The following TRDN variants were observed in gnomAD, a reference collection of about 807,000 sequenced individuals.
TRDN encodes the protein triadin in skeletal muscle.
A neutral mutation model predicts 149.7 loss-of-function variants in TRDN; 161 were observed. That is an observed-to-expected ratio of 1.08 (90% CI 0.95 to 1.23). The LOEUF (loss-of-function observed/expected upper bound fraction) is 1.23, where lower values mean the gene tolerates loss of function less well. TRDN is among the 50% of genes most tolerant of loss of function. TRDN has a pLI of 0.00. For missense variants in TRDN, 896 were observed against 823.5 expected, an observed-to-expected ratio of 1.09 and a Z score of -1.08; for synonymous variants, 294 against 250.5, an observed-to-expected ratio of 1.17 and a Z score of -1.64.
chr6:123,280,093 G>C (rs540076133), intron 24 of TRDN, among the ~76,000 whole-genome samples: 2 of 152,276 alleles, frequency 1.3e-5, no homozygotes, highest in African/African-American at 4.8e-5. Flanking sequence ...CCTTAGTGCA[G>C]CAATGAGTTG....
intron 38 of TRDN, among the ~76,000 whole-genome samples, chr6:123,238,989 C>T (rs1775889311): frequency 6.6e-6 from 1 of 152,020 alleles, no homozygotes; most frequent in South Asian, 2.1e-4. Flanking sequence ...TACAGGCACA[C>T]ACCACCACGC....
chr6:123,274,249 A>G (rs1218980810), intron 27 of TRDN, among the ~76,000 whole-genome samples: 2 of 152,096 alleles, frequency 1.3e-5, no homozygotes, highest in Non-Finnish European at 2.9e-5. Context: ...TCAAACCACA[A>G]TAGTCTATAA....
intron 1 of TRDN, among the ~76,000 whole-genome samples, chr6:123,582,467 T>G (rs563497538): frequency 7.1e-6 from 1 of 141,262 alleles, no homozygotes; most frequent in African/African-American, 2.6e-5. Flanking sequence ...GGGGCCGTTT[T>G]ATAGGATTTG....
chr6:123,362,840 T>A (rs560164809), intron 20 of TRDN, among the ~76,000 whole-genome samples: 152 of 152,240 alleles, frequency 1.0e-3, no homozygotes, highest in African/African-American at 3.5e-3. Flanking sequence ...ACATTTAAAA[T>A]TTTTCTCGAT....
chr6:123,595,584 C>T (rs1209271780), intron 1 of TRDN, among the ~76,000 whole-genome samples: 1 of 152,124 alleles, frequency 6.6e-6, no homozygotes, highest in East Asian at 1.9e-4. Context: ...TGTAGCAACC[C>T]TGCGTCCAGC....
chr6:123,432,188 T>C (rs1223862646), intron 12 of TRDN, among the ~76,000 whole-genome samples: 1 of 152,180 alleles, frequency 6.6e-6, no homozygotes, highest in Non-Finnish European at 1.5e-5. Flanking sequence ...TTTGTTAAAA[T>C]ACATTTCACA....
chr6:123,568,182 G>A (rs1782386082), intron 2 of TRDN, among the ~76,000 whole-genome samples: 2 of 152,158 alleles, frequency 1.3e-5, no homozygotes, highest in African/African-American at 4.8e-5. Context: ...TTCACTCTGT[G>A]TCCCATAACC....
intron 1 of TRDN, among the ~76,000 whole-genome samples, chr6:123,595,335 T>C (rs1783980463): frequency 6.6e-6 from 1 of 152,128 alleles, no homozygotes; most frequent in Admixed American, 6.6e-5. Context: ...TATGACACTT[T>C]CTGCAGTCAT....
intron 9 of TRDN, chr6:123,489,584 A>G (rs550123896): frequency 6.6e-6 from 1 of 152,312 alleles, no homozygotes; most frequent in Non-Finnish European, 1.5e-5. Context: ...ACCATGTGAC[A>G]GCATTGGACA....
chr6:123,434,272 T>C lies in TRDN; in HGVS notation c.1051+3791A>G, dbSNP rs187850519. 4.5e-4 allele frequency among the ~76,000 whole-genome samples: 68 copies of C among 152,310 alleles called. No homozygotes were observed. In the East Asian group the frequency reaches 0.01, roughly 23 times the overall value. Reference sequence around the variant, plus strand: ...TTTCAACTTCCATTTCACTCCACTTTCACTTGAGAAAATTGGAATGCATCT... The same window carrying C: ...TTTCAACTTCCATTTCACTCCACTTCCACTTGAGAAAATTGGAATGCATCT... On this transcript the variant is annotated intron_variant, in intron 12 of 40. Coordinates refer to ENST00000334268, the MANE Select transcript of TRDN (RefSeq NM_006073.4).
At chr6:123,337,372 C>A (rs924982626) in intron 22 of TRDN, among the ~76,000 whole-genome samples, 1 of 151,570 alleles carries the variant, frequency 6.6e-6, no homozygotes, top group Middle Eastern at 3.4e-3. Flanking sequence ...TTAAAAAAAC[C>A]TTTTTTCATT....
intron 9 of TRDN, among the ~76,000 whole-genome samples, chr6:123,496,339 T>C (rs1402231799): frequency 6.6e-6 from 1 of 151,556 alleles, no homozygotes; most frequent in Non-Finnish European, 1.5e-5. Flanking sequence ...GATGTCTCTT[T>C]GATGACATAC....
intron 21 of TRDN, among the ~76,000 whole-genome samples, chr6:123,340,495 G>A (rs1290431810): frequency 6.6e-6 from 1 of 152,006 alleles, no homozygotes; most frequent in African/African-American, 2.4e-5. Context: ...AGTGAAATTG[G>A]AAAGTGTAAA....
At chr6:123,617,101 A>AT (rs1554263408) in intron 1 of TRDN, among the ~76,000 whole-genome samples, 3 of 151,944 alleles carry the variant, frequency 2.0e-5, no homozygotes, top group Non-Finnish European at 2.9e-5. Context: ...CTCTGACCTG[A>AT]TTTTTTTTAA....
At chr6:123,565,984 A>C (rs558048079) in intron 2 of TRDN, among the ~76,000 whole-genome samples, 41 of 152,350 alleles carry the variant, frequency 2.7e-4, no homozygotes, top group Admixed American at 2.6e-3. Flanking sequence ...ACTCAACACC[A>C]GATGCATTGC....
chr6:123,319,220 C>T (rs968522689), intron 23 of TRDN, among the ~76,000 whole-genome samples: 1 of 151,560 alleles, frequency 6.6e-6, no homozygotes, highest in African/African-American at 2.4e-5. Flanking sequence ...AAGTAATTTT[C>T]TCTTTTTTTT....
At chr6:123,277,078 G>A (rs562918823) in intron 26 of TRDN, among the ~76,000 whole-genome samples, 1 of 152,232 alleles carries the variant, frequency 6.6e-6, no homozygotes, top group African/African-American at 2.4e-5. Flanking sequence ...CCTTTAAAAG[G>A]GGAATGTCCA....
intron 1 of TRDN, among the ~76,000 whole-genome samples, chr6:123,594,726 A>G (rs934567658): frequency 9.3e-5 from 14 of 149,990 alleles, no homozygotes; most frequent in African/African-American, 3.5e-4. Flanking sequence ...TTAATAAACA[A>G]CTGAAAATTT....
intron 1 of TRDN, among the ~76,000 whole-genome samples, chr6:123,587,619 G>A (rs576694831): frequency 7.2e-4 from 110 of 152,208 alleles, no homozygotes; most frequent in African/African-American, 2.3e-3. Context: ...ATGTGCGTCC[G>A]TGTGAAGAGA....
Sources: gnomAD v4.1 joint callset for allele counts (sites outside exome capture counted in the v4.1 genomes callset) on GRCh38, gnomAD v4.1.1 for gene constraint, MANE v1.5 for transcripts, NCBI Gene and HGNC (gene_info 2026-07-23, HGNC 2026-07-21) for gene names.